FBXW11: variants seen among roughly 807,000 people sequenced by gnomAD.
The protein encoded by FBXW11 is F-box and WD repeat domain containing 11.
Under a neutral mutation model 77.6 loss-of-function variants are expected in FBXW11, and 19 were observed. The ratio of observed to expected loss-of-function variants is 0.24; its 90% CI spans 0.17 to 0.36. The LOEUF is 0.36. Among genes scored for constraint, FBXW11 ranks in the 10% least tolerant of loss-of-function variants. FBXW11 has a pLI of 1.00. For missense variants in FBXW11, 334 were observed against 704.2 expected (o/e 0.47, Z 5.95); for synonymous variants, 235 against 249.4 (o/e 0.94, Z 0.54).
Position 171,876,759 on chromosome 5 carries a change from G to A in FBXW11, c.972-225C>T, listed in dbSNP as rs1408202114. 6.6e-6 allele frequency among the ~76,000 whole-genome samples: 1 copy of A among 152,168 alleles called. No individual in the cohort carries two copies. The highest frequency in any genetic ancestry group is 1.5e-5 in the Non-Finnish European group (1 of 68,020). On this transcript the variant is annotated intron_variant, in intron 8 of 13. Transcript: ENST00000517395. The surrounding 1 kb of genome is among the most constrained non-coding windows in gnomAD (Gnocchi z 4.2). ...GAATGGCTTGGTGCCATTCTCATAG[G>A]AGGGAGTTCACTCTTAGTTCCTGAG...
chr5:171,999,579 T>G lies in FBXW11; in HGVS notation c.45+6879A>C, dbSNP rs374285106. Among the ~76,000 whole-genome samples, 5 of 151,706 alleles carry G rather than the reference T, an allele frequency of 3.3e-5. No individual in the cohort carries two copies. In the East Asian group the frequency reaches 9.6e-4, roughly 29 times the overall value. The stretch of plus-strand genomic sequence containing the variant: ...CCTCTGCCCCCTTTCTCTTTGAATC[T>G]ATCATGTAGTCATTTCAGAGGGCCA... On this transcript the variant is annotated intron_variant, in intron 1 of 13. Coordinates refer to ENST00000517395, the MANE Select transcript of FBXW11 (RefSeq NM_001378974.1).
At chr5:171,981,789 A>G (rs1366964131) in intron 1 of FBXW11, among the ~76,000 whole-genome samples, 1 of 152,252 alleles carries the variant, frequency 6.6e-6, no homozygotes, top group African/African-American at 2.4e-5. Flanking sequence ...CGCAGGAAAC[A>G]GCCTAAACAT....
intron 2 of FBXW11, among the ~76,000 whole-genome samples, chr5:171,926,458 G>A (rs570252514): frequency 6.6e-6 from 1 of 152,206 alleles, no homozygotes; most frequent in Non-Finnish European, 1.5e-5. Flanking sequence ...CTGGTGGGAG[G>A]TGACTGAATC....
At chr5:171,902,904 G>T (rs1760231138) in intron 4 of FBXW11, among the ~76,000 whole-genome samples, 2 of 152,050 alleles carry the variant, frequency 1.3e-5, no homozygotes, top group Non-Finnish European at 2.9e-5. Context: ...TGGGTTGGGG[G>T]GATGGTGGGA....
chr5:171,974,550 T>G (rs1764711833), intron 1 of FBXW11, among the ~76,000 whole-genome samples: 1 of 151,826 alleles, frequency 6.6e-6, no homozygotes, highest in Non-Finnish European at 1.5e-5. Context: ...ATAAATTTCT[T>G]GAAGCTAAAA....
chr5:171,991,282 G>A (rs1452532818), intron 1 of FBXW11, among the ~76,000 whole-genome samples: 2 of 152,140 alleles, frequency 1.3e-5, no homozygotes, highest in East Asian at 3.8e-4. Context: ...AGGAATTAGG[G>A]TCTGAAGTGA....
intron 2 of FBXW11, among the ~76,000 whole-genome samples, chr5:171,947,863 G>T (rs1581241282): frequency 2.0e-5 from 3 of 152,146 alleles, no homozygotes; most frequent in South Asian, 4.2e-4. Context: ...GCTATAGTGA[G>T]CCATGTTCAC....
intron 1 of FBXW11, among the ~76,000 whole-genome samples, chr5:171,978,297 CAAAGG>C (rs750133716): frequency 7.9e-5 from 12 of 152,240 alleles, no homozygotes; most frequent in Non-Finnish European, 1.2e-4. Context: ...CCAAAATCAT[CAAAGG>C]AATATCAAAG....
intron 1 of FBXW11, among the ~76,000 whole-genome samples, chr5:171,997,828 C>T (rs1341014464): frequency 6.6e-6 from 1 of 152,100 alleles, no homozygotes; most frequent in Non-Finnish European, 1.5e-5. Flanking sequence ...AGCAGAACAA[C>T]AAAGATAAAA....
chr5:171,973,577 C>T (rs1016893463), intron 1 of FBXW11, among the ~76,000 whole-genome samples: 1 of 152,140 alleles, frequency 6.6e-6, no homozygotes, highest in Admixed American at 6.5e-5. Context: ...CACACAACAG[C>T]AAAGTGTAAG....
chr5:171,869,363 T>C lies in FBXW11; in HGVS notation c.1530+366A>G, dbSNP rs543071556. ...AATATAACAGTACTTATAAATGGTA[T>C]AAAAATTTATATATAGTATAAAAAT... On this transcript the variant is annotated intron_variant, in intron 12 of 13. Coordinates refer to ENST00000517395, the MANE Select transcript of FBXW11 (RefSeq NM_001378974.1). This position sits in a 1 kb window ranked among gnomAD's most constrained non-coding sequence, Gnocchi z 4.1. Among the ~76,000 whole-genome samples the C allele has an allele frequency of 1.3e-4, 20 of 152,302 alleles. No individual in the cohort carries two copies. The highest frequency in any genetic ancestry group is 5.2e-4 in the Admixed American group (8 of 15,308).
chr5:171,972,476 G>A (rs2113430083), intron 1 of FBXW11, among the ~76,000 whole-genome samples: 1 of 137,406 alleles, frequency 7.3e-6, no homozygotes, highest in Non-Finnish European at 1.5e-5. Context: ...ACTCCACCCT[G>A]GGCAACAGAG....
chr5:171,916,581 A>G, intron 2 of FBXW11: 4 of 455,400 alleles, frequency 8.8e-6, no homozygotes, highest in Non-Finnish European at 1.2e-5. Context: ...AGGTCTCTCC[A>G]TGTAATCTTT....
intron 2 of FBXW11, among the ~76,000 whole-genome samples, chr5:171,914,919 G>T (rs896266197): frequency 6.6e-6 from 1 of 152,176 alleles, no homozygotes; most frequent in Non-Finnish European, 1.5e-5. Flanking sequence ...CAAGCATAGC[G>T]GGTGCCCCAA....
chr5:171,902,938 T>C (rs768623128), intron 4 of FBXW11, among the ~76,000 whole-genome samples: 3 of 152,236 alleles, frequency 2.0e-5, no homozygotes, highest in Non-Finnish European at 2.9e-5. Context: ...AGTGAAAATA[T>C]GTTGTTTCTT....
chr5:171,960,958 A>G (rs1763876161), intron 1 of FBXW11, among the ~76,000 whole-genome samples: 1 of 152,200 alleles, frequency 6.6e-6, no homozygotes, highest in South Asian at 2.1e-4. Context: ...TCTCTTCATA[A>G]TATCTATGGT....
At chr5:171,905,587 T>TA (rs140475151) in intron 4 of FBXW11, among the ~76,000 whole-genome samples, 1 of 111,828 alleles carries the variant, frequency 8.9e-6, no homozygotes, top group Non-Finnish European at 1.9e-5. Flanking sequence ...AGCAAAAAGC[T>TA]AACCCCCCCC....
chr5:171,889,874 G>A (rs1759207163), intron 7 of FBXW11, among the ~76,000 whole-genome samples: 1 of 152,062 alleles, frequency 6.6e-6, no homozygotes, highest in South Asian at 2.1e-4. Flanking sequence ...GCCCAGGCAA[G>A]GGTAAAACTC....
intron 6 of FBXW11, among the ~76,000 whole-genome samples, chr5:171,892,110 G>A (rs1293210103): frequency 6.6e-6 from 1 of 152,092 alleles, no homozygotes; most frequent in Non-Finnish European, 1.5e-5. Context: ...GAGTAAAAAT[G>A]GTACATTTTA....
Sources: gnomAD v4.1 joint callset for allele counts (sites outside exome capture counted in the v4.1 genomes callset) on GRCh38, gnomAD v4.1.1 for gene constraint, Gnocchi (gnomAD v3.1) non-coding constraint, MANE v1.5 for transcripts, NCBI Gene and HGNC (gene_info 2026-07-23, HGNC 2026-07-21) for gene names.